The following CDH13 variants were observed in gnomAD, a reference collection of about 807,000 sequenced individuals.
CDH13 encodes cadherin-13.
In CDH13, 24 loss-of-function variants were observed where a neutral mutation model predicts 63.8. The ratio of observed to expected loss-of-function variants is 0.38; its 90% confidence interval spans 0.27 to 0.53. The LOEUF is 0.53. Among genes scored for constraint, CDH13 ranks in the 20% least tolerant of loss-of-function variants. The pLI, the probability that CDH13 is intolerant of heterozygous loss-of-function variation, is 0.85. For synonymous variants in CDH13, 503 were observed against 355.3 expected, an observed-to-expected ratio of 1.42 and a Z score of -4.67; for missense variants, 1,049 against 903.1, an observed-to-expected ratio of 1.16 and a Z score of -2.07.
intron 1 of CDH13, among the ~76,000 whole-genome samples, chr16:82,795,312 C>A (rs2036528724): frequency 6.6e-6 from 1 of 152,180 alleles, no homozygotes; most frequent in African/African-American, 2.4e-5. Context: ...AGTGGACCAC[C>A]TGTGTGAGTT....
intron 10 of CDH13, chr16:83,735,259 G>C (rs988628281): frequency 1.2e-4 from 18 of 152,084 alleles, no homozygotes; most frequent in African/African-American, 4.3e-4. Flanking sequence ...AACCATTCGA[G>C]GGCTTTGTCC....
intron 1 of CDH13, among the ~76,000 whole-genome samples, chr16:82,746,280 G>GTT (rs2034169531): frequency 6.7e-5 from 9 of 135,156 alleles, no homozygotes; most frequent in Admixed American, 8.0e-5. Flanking sequence ...TAAACACACT[G>GTT]TATGTATGAT....
At chr16:83,573,462 C>G (rs1384907541) in intron 7 of CDH13, among the ~76,000 whole-genome samples, 1 of 152,152 alleles carries the variant, frequency 6.6e-6, no homozygotes, top group East Asian at 1.9e-4. Flanking sequence ...AGGACAGTGA[C>G]CAGCACTTGT....
At chr16:83,271,421 A>AG (rs2088805906) in intron 5 of CDH13, among the ~76,000 whole-genome samples, 1 of 116,988 alleles carries the variant, frequency 8.5e-6, no homozygotes, top group Non-Finnish European at 1.7e-5. Flanking sequence ...GGCAGAGTTC[A>AG]TAAAAAAAAA....
At chr16:83,351,031 G>T (rs546950689) in intron 6 of CDH13, among the ~76,000 whole-genome samples, 2 of 152,330 alleles carry the variant, frequency 1.3e-5, no homozygotes, top group African/African-American at 4.8e-5. Flanking sequence ...AGATGGCTGG[G>T]ATAGTTGATA....
chr16:83,666,921 C>G (rs1914014797), intron 8 of CDH13, among the ~76,000 whole-genome samples: 1 of 152,144 alleles, frequency 6.6e-6, no homozygotes, highest in South Asian at 2.1e-4. Context: ...TCCCATCTGT[C>G]TCTCCTTTCA....
rs558422199 is a variant in CDH13, at chr16:83,524,763, C to T, written c.960+38108C>T. Among the ~76,000 whole-genome samples, 232 of 152,170 alleles carry T rather than the reference C, an allele frequency of 1.5e-3. 2 individuals carry two copies. The highest frequency in any genetic ancestry group is 5.3e-3 in the African/African-American group (221 of 41,526). ...CACCTCGCCCGGCCAAATTGCATGTCTTAACACCCCCTCTTACTAGCTGAG... is the reference window on the plus strand; with the variant it reads ...CACCTCGCCCGGCCAAATTGCATGTTTTAACACCCCCTCTTACTAGCTGAG... On this transcript the variant is annotated intron_variant, in intron 7 of 13. Transcript: ENST00000567109.
At chr16:82,963,451 A>C (rs1234872099) in intron 2 of CDH13, among the ~76,000 whole-genome samples, 2 of 152,018 alleles carry the variant, frequency 1.3e-5, no homozygotes, top group Non-Finnish European at 2.9e-5. Context: ...CTCTTACATG[A>C]TCCCTGTCCC....
intron 1 of CDH13, among the ~76,000 whole-genome samples, chr16:82,756,259 A>G (rs1028670428): frequency 2.6e-5 from 4 of 152,200 alleles, no homozygotes; most frequent in Admixed American, 2.0e-4. Context: ...ATTTGGGGAA[A>G]GAGGAAAAGG....
At chr16:83,039,151 C>A (rs113421958) in intron 3 of CDH13, among the ~76,000 whole-genome samples, 4 of 152,334 alleles carry the variant, frequency 2.6e-5, no homozygotes, top group African/African-American at 9.6e-5. Flanking sequence ...AGGCTATATA[C>A]GCTTGGATCC....
At chr16:83,519,274 C>G (rs4782809) in intron 7 of CDH13, among the ~76,000 whole-genome samples, 79,235 of 151,998 alleles carry the variant, frequency 0.52, 21,569 homozygotes, top group African/African-American at 0.68. Context: ...CCTGTTTCCG[C>G]CCTAGCATTG....
intron 1 of CDH13, among the ~76,000 whole-genome samples, chr16:82,635,683 C>G (rs561655621): frequency 1.3e-5 from 2 of 152,098 alleles, no homozygotes; most frequent in Non-Finnish European, 2.9e-5. Flanking sequence ...TCAGGAACGA[C>G]GGTGCAGAGA....
intron 1 of CDH13, among the ~76,000 whole-genome samples, chr16:82,748,261 A>T (rs1317601413): frequency 1.3e-5 from 2 of 152,208 alleles, no homozygotes; most frequent in African/African-American, 4.8e-5. Flanking sequence ...TAGTCTCATT[A>T]TTGCAACTCA....
chr16:83,503,549 A>G (rs2074331661), intron 7 of CDH13, among the ~76,000 whole-genome samples: 1 of 152,060 alleles, frequency 6.6e-6, no homozygotes, highest in South Asian at 2.1e-4. Flanking sequence ...AGAAACCTCC[A>G]TTCCTTTTCC....
At chr16:82,974,082 C>T (rs1909161017) in intron 2 of CDH13, among the ~76,000 whole-genome samples, 1 of 152,072 alleles carries the variant, frequency 6.6e-6, no homozygotes, top group South Asian at 2.1e-4. Flanking sequence ...ACTACCATGC[C>T]CAGCCAACTG....
At chr16:83,362,653 T>C (rs913480247) in intron 6 of CDH13, among the ~76,000 whole-genome samples, 18 of 152,208 alleles carry the variant, frequency 1.2e-4, no homozygotes, top group Non-Finnish European at 2.1e-4. Context: ...GGGGGAACCA[T>C]GTAAGTCTGC....
chr16:83,180,672 C>G (rs540960139), intron 4 of CDH13, among the ~76,000 whole-genome samples: 4 of 152,266 alleles, frequency 2.6e-5, no homozygotes, highest in Admixed American at 2.6e-4. Flanking sequence ...TGCAGACTCC[C>G]GAAGCCATGC....
intron 11 of CDH13, among the ~76,000 whole-genome samples, chr16:83,762,285 A>G (rs1914035523): frequency 6.6e-6 from 1 of 152,184 alleles, no homozygotes; most frequent in South Asian, 2.1e-4. Flanking sequence ...TATATGGTCC[A>G]GATTTTCTGA....
intron 5 of CDH13, among the ~76,000 whole-genome samples, chr16:83,331,294 C>A (rs879580874): frequency 6.6e-6 from 1 of 152,170 alleles, no homozygotes; most frequent in African/African-American, 2.4e-5. Context: ...CTGAGGAGAC[C>A]AAGTTCTGTC....
Sources: gnomAD v4.1 joint callset for allele counts (sites outside exome capture counted in the v4.1 genomes callset) on GRCh38, gnomAD v4.1.1 for gene constraint, MANE v1.5 for transcripts, NCBI Gene and HGNC (gene_info 2026-07-23, HGNC 2026-07-21) for gene names.